The following VARS2 variants were observed in gnomAD, a reference collection of about 807,000 sequenced individuals.
The protein encoded by VARS2 is valine--tRNA ligase, mitochondrial.
A neutral mutation model predicts 154.1 loss-of-function variants in VARS2; 105 were observed. That is an observed-to-expected ratio of 0.68 (90% confidence interval 0.58 to 0.80). The LOEUF (loss-of-function observed/expected upper bound fraction) is 0.80, where lower values mean the gene tolerates loss of function less well. Ranked by LOEUF, VARS2 falls within the 30% of genes least tolerant of loss-of-function variation. VARS2 has a pLI of 0.00. For missense variants in VARS2, 1,157 were observed against 1,361.4 expected (o/e 0.85, Z 2.36); for synonymous variants, 483 against 539.5 (o/e 0.90, Z 1.45).
At chr6:30,915,611 A>T in intron 4 of VARS2, 135 bp from the exon 5 acceptor site, 1 of 1,499,790 alleles carries the variant, frequency 6.7e-7, no homozygotes. Flanking sequence ...CCCCTGGCCA[A>T]TTCCCTCCTC....
At position 30,919,701 on chromosome 6, in the gene VARS2, C is replaced by T. The variant is rs755082107; in HGVS notation, c.1075-57C>T. 31 of 1,438,226 alleles carry T rather than the reference C, an allele frequency of 2.2e-5. No homozygotes were observed. Among genetic ancestry groups the T allele is most frequent in the Admixed American group, 4.6e-5 (2 of 43,342 alleles). The allele number at this position is 1,438,226 out of a possible 1,614,324, so 89.1% of individuals were successfully genotyped here. A position where few individuals can be genotyped will look rare whatever the true frequency, so the allele number is the denominator to read the frequency against. On this transcript the variant is annotated intron_variant, in intron 11 of 29. Coordinates refer to ENST00000676266, the MANE Select transcript of VARS2 (RefSeq NM_020442.6). The surrounding 1 kb of genome is among the most constrained non-coding windows in gnomAD (Gnocchi z 4.5). ...ATTCCTGGGGTTCTCACGCCCCAGC[C>T]CAGACCCTTCCAACCCTCACAGGTG...
Position 30,920,634 on chromosome 6 carries a change from G to T in VARS2, c.1398-34G>T. 1 of 1,505,864 alleles carries T rather than the reference G, an allele frequency of 6.6e-7. No homozygotes were observed. Among genetic ancestry groups the T allele is most frequent in the Non-Finnish European group, 9.0e-7 (1 of 1,116,918 alleles). 93.3% of individuals were successfully genotyped at this position (1,505,864 alleles called of 1,614,324 possible). ...GCCCCTGGGAGAAGTCACAGGGCCG[G>T]AAGAGCAGTGGACTCACCCTGTCTC... is the stretch of plus-strand genomic sequence containing the variant. On this transcript the variant is annotated intron_variant, in intron 14 of 29. Coordinates refer to ENST00000676266, the MANE Select transcript of VARS2 (RefSeq NM_020442.6). This position sits in a 1 kb window ranked among gnomAD's most constrained non-coding sequence, Gnocchi z 4.6.
chr6:30,921,031 G>C lies in VARS2; in HGVS notation c.1480-34G>C. ...CTGTGGAGGTGCGGCCGTGCAGGAA[G>C]GGCAACATTGTCTAAAGTCCCCTTT... On this transcript the variant is annotated intron_variant, in intron 15 of 29. Transcript: ENST00000676266. This position sits in a 1 kb window ranked among gnomAD's most constrained non-coding sequence, Gnocchi z 4.6. 6.3e-7 allele frequency: 1 copy of C among 1,588,190 alleles called. No individual in the cohort carries two copies. The highest frequency in any genetic ancestry group is 2.2e-5 in the East Asian group (1 of 44,676).
At chr6:30,924,049 C>G (rs1794695776) in intron 25 of VARS2, 1 of 505,848 alleles carries the variant, frequency 2.0e-6, no homozygotes, top group Admixed American at 3.8e-5. Context: ...GACCACTGCC[C>G]TAGCTCAGCC....
In VARS2 at chr6:30,921,321, C is replaced by T. The variant is rs1562456822; in HGVS notation, c.1632+16C>T. ...CCATGCGCAGGTGGGTAGGAAGAAG[C>T]ACCCGGAGGGCCGAGTGTGGCACAG... On this transcript the variant is annotated intron_variant, in intron 17 of 29. Transcript: ENST00000676266. The surrounding 1 kb of genome is among the most constrained non-coding windows in gnomAD (Gnocchi z 4.6). 1.9e-6 allele frequency: 3 copies of T among 1,614,066 alleles called. No individual in the cohort carries two copies. Among genetic ancestry groups the T allele is most frequent in the East Asian group, 2.2e-5 (1 of 44,884 alleles).
At chr6:30,915,332 G>A (rs1047871091) in intron 3 of VARS2, 23 bp from the exon 4 acceptor site, 1 of 1,613,594 alleles carries the variant, frequency 6.2e-7, no homozygotes, top group African/African-American at 1.3e-5. Context: ...AGTGGTTAGT[G>A]GAGCTCTCCT....
Position 30,915,177 on chromosome 6 carries a change from G to T in VARS2, c.223G>T (p.Ala75Ser), listed in dbSNP as rs1794072214. ...TCAGTCACCTGCAGAATCCATTAAG[G>T]CCTGGAGGCCTAAGGAGTTAGTATT... ...ESKSPAESIK[A>S]WRPKELVLYE... The change falls in exon 3 of 30, where the codon GCC becomes TCC. Residue 75 changes from alanine (A) to serine (S), a missense_variant. Ala to Ser is a moderately conservative substitution (Grantham distance 99, BLOSUM62 1). Coordinates refer to ENST00000676266, the MANE Select transcript of VARS2 (RefSeq NM_020442.6). The T allele has an allele frequency of 6.2e-7, 1 of 1,614,092 alleles. No individual in the cohort carries two copies. Among genetic ancestry groups the T allele is most frequent in the African/African-American group, 1.3e-5 (1 of 74,930 alleles).
chr6:30,921,048 G>T lies in VARS2; in HGVS notation c.1480-17G>T. ...TGCAGGAAGGGCAACATTGTCTAAA[G>T]TCCCCTTTCTCTCCAGGCTGTGGAG... On this transcript the variant is annotated splice_polypyrimidine_tract_variant and intron_variant, in intron 15 of 29. Coordinates refer to ENST00000676266, the MANE Select transcript of VARS2 (RefSeq NM_020442.6). This position sits in a 1 kb window ranked among gnomAD's most constrained non-coding sequence, Gnocchi z 4.6. The T allele has an allele frequency of 6.2e-7, 1 of 1,603,074 alleles. No individual in the cohort carries two copies. Among genetic ancestry groups the T allele is most frequent in the African/African-American group, 1.3e-5 (1 of 74,746 alleles).
At chr6:30,914,458 G>A (rs1410952588) in intron 1 of VARS2, 114 bp downstream of exon 1, 6 of 1,301,498 alleles carry the variant, frequency 4.6e-6, no homozygotes. Flanking sequence ...ACTGCAGGAG[G>A]CCCCTGTGCA....
chr6:30,924,609 C>T, intron 26 of VARS2, 49 bp downstream of exon 26: 3 of 1,012,546 alleles, frequency 3.0e-6, no homozygotes, highest in Non-Finnish European at 4.3e-6. Context: ...TGGGGGGGAG[C>T]ACCTTCTGAA....
chr6:30,922,152 T>C lies in VARS2; in HGVS notation c.1843T>C (p.Leu615=). The C allele has an allele frequency of 6.2e-7, 1 of 1,612,698 alleles. No individual in the cohort carries two copies. The highest frequency in any genetic ancestry group is 8.5e-7 in the Non-Finnish European group (1 of 1,179,896). The change falls in exon 20 of 30, where the codon TTG becomes CTG. Residue 615 remains leucine (L), a synonymous_variant. Coordinates refer to ENST00000676266, the MANE Select transcript of VARS2 (RefSeq NM_020442.6). Reference sequence around the variant, plus strand: ...TGCTCGTTTCTACCCCCTGTCACTTTTGGAAACGGGCAGCGACCTTCTGCT... The same window carrying C: ...TGCTCGTTTCTACCCCCTGTCACTTCTGGAAACGGGCAGCGACCTTCTGCT... The part of the protein sequence containing the change: ...DLARFYPLSL[L]ETGSDLLLFW...
At position 30,920,819 on chromosome 6, in the gene VARS2, A is replaced by G. The variant is rs1794463312; in HGVS notation, c.1479+70A>G. 14 of 1,359,974 alleles carry G rather than the reference A, an allele frequency of 1.0e-5. No homozygotes were observed. Among genetic ancestry groups the G allele is most frequent in the Admixed American group, 7.9e-5 (3 of 37,994 alleles). The allele number at this position is 1,359,974 out of a possible 1,614,324, so 84.2% of individuals were successfully genotyped here. A position where few individuals can be genotyped will look rare whatever the true frequency, so the allele number is the denominator to read the frequency against. ...GCTCCCTGAGAATTGGAATGAAGAA[A>G]TGGGAAGCAGGAGACCTCCTGCCCT... On this transcript the variant is annotated intron_variant, in intron 15 of 29. Transcript: ENST00000676266. This position sits in a 1 kb window ranked among gnomAD's most constrained non-coding sequence, Gnocchi z 4.6.
chr6:30,922,420 C>A, intron 20 of VARS2, 30 bp from the exon 21 acceptor site: 1 of 1,610,046 alleles, frequency 6.2e-7, no homozygotes, highest in Non-Finnish European at 8.5e-7. Context: ...CCAAGGAAAC[C>A]CCCCTCTGTT....
intron 21 of VARS2, 66 bp from the exon 22 acceptor site, chr6:30,922,640 C>T (rs1794595945): frequency 1.3e-6 from 2 of 1,572,576 alleles, no homozygotes; most frequent in South Asian, 2.4e-5. Context: ...GTGAGGCCAG[C>T]AGGTGTGACC....
rs760052413 is a variant in VARS2, at chr6:30,921,609, G to A, written c.1653G>A (p.Val551=). Residue 551 remains valine (V), a synonymous_variant, in exon 18 of 30, where the codon GTG becomes GTA. Coordinates refer to ENST00000676266, the MANE Select transcript of VARS2 (RefSeq NM_020442.6). The surrounding 1 kb of genome is among the most constrained non-coding windows in gnomAD (Gnocchi z 4.6). The part of the protein sequence containing the change: ...DHAQGEEDCW[V]VGRSEAEARE... ...TGCAGGGAGAAGAGGACTGTTGGGT[G>A]GTTGGGCGGTCAGAGGCTGAGGCCA... 1.4e-5 allele frequency: 23 copies of A among 1,607,818 alleles called. No individual in the cohort carries two copies. The highest frequency in any genetic ancestry group is 2.0e-5 in the Non-Finnish European group (23 of 1,178,624).
In VARS2 at chr6:30,922,706, G is replaced by A; in HGVS notation, c.2038G>A (p.Val680Met). Reference protein sequence around the residue: ...RDIISGVEMQVLQEKLRSGNL... With the variant: ...RDIISGVEMQMLQEKLRSGNL... ...GTGAATTGCCCCCTTCCATCCCCAG[G>A]TGCTGCAGGAAAAGCTGAGAAGCGG... The change falls in exon 22 of 30, where the codon GTG becomes ATG. Residue 680 changes from valine to methionine, a missense_variant and splice_region_variant. By Grantham distance (21) the Val-to-Met change is conservative (BLOSUM62 1). Coordinates refer to ENST00000676266, the MANE Select transcript of VARS2 (RefSeq NM_020442.6). 6.2e-7 allele frequency: 1 copy of A among 1,611,976 alleles called. No individual in the cohort carries two copies. Among genetic ancestry groups the A allele is most frequent in the South Asian group, 1.1e-5 (1 of 90,926 alleles).
rs1394919046 is a variant in VARS2 at position 30,919,835 on chromosome 6, A to G, written c.1152A>G (p.Pro384=). 3 of 1,584,272 alleles carry G rather than the reference A, an allele frequency of 1.9e-6. No individual in the cohort carries two copies. Among genetic ancestry groups the G allele is most frequent in the Non-Finnish European group, 2.6e-6 (3 of 1,160,242 alleles). The change falls in exon 12 of 30, where the codon CCA becomes CCG. Residue 384 remains proline (P), a synonymous_variant. Transcript: ENST00000676266. The surrounding 1 kb of genome is among the most constrained non-coding windows in gnomAD (Gnocchi z 4.5). ...LPLITDYAVQ[P]HVGTGAVKVT... is the part of the protein sequence containing the mutation. ...TCATCACAGACTATGCTGTTCAGCC[A>G]CATGTGGGCACGGGTGAGTGGAAGT...
In VARS2 at chr6:30,923,418, T is replaced by G. The variant is rs372832216; in HGVS notation, c.2379T>G (p.Cys793Trp). 6.2e-7 allele frequency: 1 copy of G among 1,612,298 alleles called. No individual in the cohort carries two copies. The highest frequency in any genetic ancestry group is 8.5e-7 in the Non-Finnish European group (1 of 1,180,010). The change falls in exon 25 of 30, where the codon TGT becomes TGG. Residue 793 changes from cysteine to tryptophan, a missense_variant. Cys to Trp is a radical substitution (Grantham distance 215, BLOSUM62 -2). Transcript: ENST00000676266. ...LSRLALAAQE[C>W]ERGFLTRELS... ...GCCTTGCCCTGGCTGCCCAGGAGTG[T>G]GAGCGGGGCTTCCTCACCCGAGAGC...
At position 30,921,883 on chromosome 6, in the gene VARS2, A is replaced by T. The variant is rs1794535261; in HGVS notation, c.1736-42A>T. Reference sequence around the variant, plus strand: ...GGCAGCAGTGGTCTGAGGTCCTAGAAGCCAAGGTTCCAACTGTCCCCATTC... The same window carrying T: ...GGCAGCAGTGGTCTGAGGTCCTAGATGCCAAGGTTCCAACTGTCCCCATTC... On this transcript the variant is annotated intron_variant, in intron 18 of 29. Coordinates refer to ENST00000676266, the MANE Select transcript of VARS2 (RefSeq NM_020442.6). This position sits in a 1 kb window ranked among gnomAD's most constrained non-coding sequence, Gnocchi z 4.6. The T allele has an allele frequency of 1.9e-6, 3 of 1,611,194 alleles. No individual in the cohort carries two copies. The highest frequency in any genetic ancestry group is 2.5e-6 in the Non-Finnish European group (3 of 1,178,696).
Sources: gnomAD v4.1 joint callset for allele counts on GRCh38, gnomAD v4.1.1 for gene constraint, Gnocchi (gnomAD v3.1) non-coding constraint, MANE v1.5 for transcripts, NCBI Gene and HGNC (gene_info 2026-07-23, HGNC 2026-07-21) for gene names.